ABCB4: variants seen among roughly 807,000 people sequenced by gnomAD.
ABCB4 encodes ATP binding cassette subfamily B member 4.
Under a neutral mutation model 145.7 loss-of-function variants are expected in ABCB4, and 76 were observed. The ratio of observed to expected loss-of-function variants is 0.52; its 90% CI spans 0.43 to 0.63. ABCB4 has a LOEUF of 0.63. ABCB4 is among the 30% of genes least tolerant of loss of function. ABCB4 has a pLI of 0.00. For missense variants in ABCB4, 1,234 were observed against 1,553.1 expected, an observed-to-expected ratio of 0.79 and a Z score of 3.45; for synonymous variants, 517 against 566.8, an observed-to-expected ratio of 0.91 and a Z score of 1.25.
chr7:87,373,339 A>T, the ABCB4 span, among the ~76,000 whole-genome samples: 2 of 152,084 alleles, frequency 1.3e-5, no homozygotes, highest in African/African-American at 4.8e-5. Context: ...CTTTTTACAG[A>T]TATATAATTT....
In ABCB4 at chr7:87,442,615, G is replaced by A. The variant is rs180671719; in HGVS notation, c.1356+704C>T. On this transcript the variant is annotated intron_variant, in intron 12 of 27. Transcript: ENST00000649586. ...TTTAGGAATGTATTCTGAAGTATAAGGGTATACATAATACACACACACACA... is the reference window on the plus strand; with the variant it reads ...TTTAGGAATGTATTCTGAAGTATAAAGGTATACATAATACACACACACACA... Among the ~76,000 whole-genome samples the A allele has an allele frequency of 2.4e-3, 359 of 151,752 alleles. 4 individuals carry two copies. The highest frequency in any genetic ancestry group is 1.4e-3 in the Non-Finnish European group (98 of 67,874).
the ABCB4 span, chr7:87,392,786 G>C: frequency 6.2e-7 from 1 of 1,613,772 alleles, no homozygotes; most frequent in Non-Finnish European, 8.5e-7. Flanking sequence ...AGGTCTTCCT[G>C]TTCCAGAACT....
chr7:87,379,478 C>A, the ABCB4 span, among the ~76,000 whole-genome samples: 1 of 152,246 alleles, frequency 6.6e-6, no homozygotes, highest in East Asian at 1.9e-4. Flanking sequence ...CCCTCATCCC[C>A]AAGACCATCA....
At chr7:87,440,927 A>T (rs1481357350) in intron 12 of ABCB4, among the ~76,000 whole-genome samples, 1 of 152,110 alleles carries the variant, frequency 6.6e-6, no homozygotes, top group East Asian at 1.9e-4. Flanking sequence ...TTTTTAGTAG[A>T]GACGGTGTTT....
chr7:87,397,077 G>C (rs1807550198), downstream of ABCB4, among the ~76,000 whole-genome samples: 1 of 152,102 alleles, frequency 6.6e-6, no homozygotes, highest in Non-Finnish European at 1.5e-5. Context: ...CTGTAGGCTA[G>C]GCATGGTGGC....
chr7:87,391,941 G>C, the ABCB4 span, among the ~76,000 whole-genome samples: 1 of 152,158 alleles, frequency 6.6e-6, no homozygotes. Context: ...TAGGCAAAGG[G>C]TCTTCAGTAC....
intron 4 of ABCB4, among the ~76,000 whole-genome samples, chr7:87,456,805 A>C (rs1328856722): frequency 6.6e-6 from 1 of 152,042 alleles, no homozygotes; most frequent in Non-Finnish European, 1.5e-5. Context: ...TGGGTTAGTA[A>C]CCTGAGGAGC....
chr7:87,462,832 A>C lies in ABCB4; in HGVS notation c.212T>G (p.Leu71Arg). The C allele has an allele frequency of 6.2e-7, 1 of 1,613,640 alleles. No individual in the cohort carries two copies. The highest frequency in any genetic ancestry group is 1.3e-5 in the African/African-American group (1 of 75,020). ...TCCAAATACTATCATCATGAGGGGG[A>C]GACCTGATCCGTGAGCTATGGCCAT... is the stretch of plus-strand genomic sequence containing the variant. ...TIMAIAHGSG[L>R]PLMMIVFGEM... The change falls in exon 4 of 28, where the codon CTC (leucine) becomes CGC (arginine). Residue 71 changes from leucine (L) to arginine (R), a missense_variant. Coordinates refer to ENST00000649586, the MANE Select transcript of ABCB4 (RefSeq NM_000443.4).
At chr7:87,450,539 C>T (rs1316751366) in intron 7 of ABCB4, among the ~76,000 whole-genome samples, 1 of 145,612 alleles carries the variant, frequency 6.9e-6, no homozygotes, top group Non-Finnish European at 1.5e-5. Flanking sequence ...GGCACGATCT[C>T]GGCTCACTGT....
At chr7:87,448,404 C>T (rs1221438263) in intron 8 of ABCB4, among the ~76,000 whole-genome samples, 3 of 152,104 alleles carry the variant, frequency 2.0e-5, no homozygotes, top group Non-Finnish European at 4.4e-5. Context: ...TTTTTTATTG[C>T]GTAAAGCACC....
At chr7:87,452,391 T>C (rs1811799728) in intron 6 of ABCB4, 1 of 165,530 alleles carries the variant, frequency 6.0e-6, no homozygotes, top group East Asian at 1.7e-4. Flanking sequence ...TTTTTTTTTT[T>C]TTTTTTTGAC....
At chr7:87,377,346 T>C in the ABCB4 span, 7 of 1,573,742 alleles carry the variant, frequency 4.4e-6, no homozygotes, top group Non-Finnish European at 6.1e-6. Flanking sequence ...AAATTTATTT[T>C]AGATTATTGC....
At chr7:87,369,622 CT>C in the ABCB4 span, 4 of 217,800 alleles carry the variant, frequency 1.8e-5, no homozygotes, top group Middle Eastern at 9.7e-4. Context: ...AAAAAAAAAT[CT>C]ATTTGTATTT....
rs1404103085 is a variant in ABCB4 at position 87,403,062 on chromosome 7, T to C, written c.3633+73A>G. Reference sequence around the variant, plus strand: ...TTTCCCCCTGTGCTTGTGTGTGTTTTTTTCATGGTTGACAGCAAAATCCCT... The same window carrying C: ...TTTCCCCCTGTGCTTGTGTGTGTTTCTTTCATGGTTGACAGCAAAATCCCT... On this transcript the variant is annotated intron_variant, in intron 27 of 27. Coordinates refer to ENST00000649586, the MANE Select transcript of ABCB4 (RefSeq NM_000443.4). The C allele has an allele frequency of 2.0e-6, 3 of 1,528,984 alleles. No individual in the cohort carries two copies. The East Asian group carries it at 6.7e-5, about 34-fold the overall frequency. 94.7% of individuals were successfully genotyped at this position (1,528,984 alleles called of 1,614,324 possible). A position where few individuals can be genotyped will look rare whatever the true frequency, so the allele number is the denominator to read the frequency against.
chr7:87,419,907 A>G, intron 19 of ABCB4, 91 bp downstream of exon 19: 1 of 1,351,628 alleles, frequency 7.4e-7, no homozygotes, highest in Non-Finnish European at 1.1e-6. Context: ...GGGGGAAAAC[A>G]TGCATATCGA....
At chr7:87,460,831 A>AT (rs918048977) in intron 4 of ABCB4, among the ~76,000 whole-genome samples, 1 of 151,932 alleles carries the variant, frequency 6.6e-6, no homozygotes, top group Admixed American at 6.6e-5. Context: ...TAAGAAATAG[A>AT]TTTTTAACTG....
At chr7:87,396,356 A>AG in the ABCB4 span, among the ~76,000 whole-genome samples, 1 of 152,186 alleles carries the variant, frequency 6.6e-6, no homozygotes, top group African/African-American at 2.4e-5. Flanking sequence ...TCTGAACCAG[A>AG]GCCAAATGAC....
At chr7:87,458,303 T>C (rs1248479233) in intron 4 of ABCB4, among the ~76,000 whole-genome samples, 1 of 152,256 alleles carries the variant, frequency 6.6e-6, no homozygotes, top group Non-Finnish European at 1.5e-5. Context: ...GTGCATACTT[T>C]CTGCACAACT....
intron 3 of ABCB4, among the ~76,000 whole-genome samples, chr7:87,465,657 G>A (rs574365083): frequency 1.3e-5 from 2 of 152,272 alleles, no homozygotes; most frequent in East Asian, 3.9e-4. Context: ...ACCCAGTAGG[G>A]GCAGACTGAC....
Sources: gnomAD v4.1 joint callset for allele counts (sites outside exome capture counted in the v4.1 genomes callset) on GRCh38, gnomAD v4.1.1 for gene constraint, MANE v1.5 for transcripts, NCBI Gene and HGNC (gene_info 2026-07-23, HGNC 2026-07-21) for gene names.